The following FBLIM1 variants were observed in gnomAD, a reference collection of about 807,000 sequenced individuals.
FBLIM1 encodes filamin-binding LIM protein 1.
FBLIM1 carries 29 observed loss-of-function variants against 37.4 expected under a neutral mutation model. That is an observed-to-expected ratio of 0.77 (90% CI 0.58 to 1.06). FBLIM1 has a LOEUF of 1.06. Ranked by LOEUF, FBLIM1 falls within the 50% of genes least tolerant of loss-of-function variation. The pLI, the probability that FBLIM1 is intolerant of heterozygous loss-of-function variation, is 0.00. For missense variants in FBLIM1, 449 were observed against 505.6 expected, an observed-to-expected ratio of 0.89 and a Z score of 1.07; for synonymous variants, 193 against 199.0, an observed-to-expected ratio of 0.97 and a Z score of 0.25.
At chr1:15,781,656 G>A (rs2069642341) in intron 8 of FBLIM1, among the ~76,000 whole-genome samples, 1 of 151,508 alleles carries the variant, frequency 6.6e-6, no homozygotes, top group South Asian at 2.1e-4. Flanking sequence ...CTTGCTTTGG[G>A]GTCCATATTA....
chr1:15,775,597 G>C (rs2069461395), intron 7 of FBLIM1, among the ~76,000 whole-genome samples: 1 of 151,814 alleles, frequency 6.6e-6, no homozygotes, highest in Non-Finnish European at 1.5e-5. Flanking sequence ...GAGATGCCTA[G>C]GATGAGGTCT....
At chr1:15,770,338 T>A in intron 5 of FBLIM1, 71 bp from the exon 6 acceptor site, 1 of 1,521,632 alleles carries the variant, frequency 6.6e-7, no homozygotes, top group Non-Finnish European at 8.9e-7. Context: ...ATCCTGAGCA[T>A]GTTCTGGGTG....
intron 1 of FBLIM1, among the ~76,000 whole-genome samples, chr1:15,760,027 C>A (rs1381774780): frequency 3.3e-5 from 5 of 151,890 alleles, no homozygotes; most frequent in African/African-American, 1.2e-4. Context: ...AGTTGGAGAC[C>A]AGCCTGGCCA....
Position 15,774,598 on chromosome 1 carries a change from G to A in FBLIM1, c.712-20G>A. 6.2e-7 allele frequency: 1 copy of A among 1,601,136 alleles called. No individual in the cohort carries two copies. The highest frequency in any genetic ancestry group is 8.5e-7 in the Non-Finnish European group (1 of 1,172,610). On this transcript the variant is annotated intron_variant, in intron 6 of 8. Transcript: ENST00000375766. ...GGGTGGGTGTGTCGTGGATGGTTCTGGCAGTGGCCTCTGTCCTAGGACACA... is the reference window on the plus strand; with the variant it reads ...GGGTGGGTGTGTCGTGGATGGTTCTAGCAGTGGCCTCTGTCCTAGGACACA...
In FBLIM1 at chr1:15,784,670, G is replaced by T. The variant is rs372175733; in HGVS notation, c.*9G>T. On this transcript the variant is annotated 3_prime_UTR_variant, in exon 9 of 9. Transcript: ENST00000375766. ...CTGCGGGGTGCTGCTGAGAGTGCCC[G>T]CTGGGCAGTGAACAGACCACTAGCC... The T allele has an allele frequency of 6.2e-7, 1 of 1,611,952 alleles. No homozygotes were observed. The highest frequency in any genetic ancestry group is 1.3e-5 in the African/African-American group (1 of 74,890).
In FBLIM1 at chr1:15,779,494, G is replaced by C. The variant is rs1287828059; in HGVS notation, c.1008+2207G>C. Among the ~76,000 whole-genome samples the C allele has an allele frequency of 2.1e-5, 3 of 145,282 alleles. No homozygotes were observed. The East Asian group carries it at 6.4e-4, about 31-fold the overall frequency. ...TAATTTTTGTATTTAGTAGAGATGAGATTTCACCACGTTGGCCAGGCTGGT... is the reference window on the plus strand; with the variant it reads ...TAATTTTTGTATTTAGTAGAGATGACATTTCACCACGTTGGCCAGGCTGGT... On this transcript the variant is annotated intron_variant, in intron 8 of 8. Coordinates refer to ENST00000375766, the MANE Select transcript of FBLIM1 (RefSeq NM_017556.4).
intron 7 of FBLIM1, among the ~76,000 whole-genome samples, chr1:15,775,806 G>A (rs1451384381): frequency 1.3e-5 from 2 of 152,128 alleles, no homozygotes; most frequent in Non-Finnish European, 2.9e-5. Context: ...CTAATAAACT[G>A]AGAGGGAAAC....
At chr1:15,758,305 G>T, upstream of FBLIM1, 1 of 152,322 alleles carries the variant, frequency 6.6e-6, no homozygotes, top group Non-Finnish European at 1.5e-5. This position sits in a 1 kb window ranked among gnomAD's most constrained non-coding sequence, Gnocchi z 6.2. Context: ...TTTGACGCAA[G>T]ACCCTGGCGG....
upstream of FBLIM1, among the ~76,000 whole-genome samples, chr1:15,757,206 A>G (rs754772232): frequency 6.6e-6 from 1 of 152,152 alleles, no homozygotes; most frequent in African/African-American, 2.4e-5. The surrounding 1 kb of genome is among the most constrained non-coding windows in gnomAD (Gnocchi z 4.1). Flanking sequence ...CAGCACCTCC[A>G]AGCCCCAGCT....
rs2069521714 is a variant in FBLIM1 at position 15,777,288 on chromosome 1, G to T, written c.1008+1G>T. 1.2e-6 allele frequency: 2 copies of T among 1,607,826 alleles called. No homozygotes were observed. The highest frequency in any genetic ancestry group is 8.5e-7 in the Non-Finnish European group (1 of 1,174,728). Reference sequence around the variant, plus strand: ...CCATGAAAATTGCTACAGGTGTGAGGTGAGTGGAGCCTAGGTGGTTTAATA... The same window carrying T: ...CCATGAAAATTGCTACAGGTGTGAGTTGAGTGGAGCCTAGGTGGTTTAATA... On this transcript the variant is annotated splice_donor_variant, in intron 8 of 8. Coordinates refer to ENST00000375766, the MANE Select transcript of FBLIM1 (RefSeq NM_017556.4). LOFTEE classifies it high-confidence loss of function.
intron 6 of FBLIM1, among the ~76,000 whole-genome samples, chr1:15,774,004 G>T (rs181284911): frequency 6.6e-6 from 1 of 151,862 alleles, no homozygotes; most frequent in African/African-American, 2.4e-5. Flanking sequence ...GCGTGGTGGC[G>T]CACACCTGTA....
At chr1:15,771,086 C>T (rs988035269) in intron 6 of FBLIM1, among the ~76,000 whole-genome samples, 4 of 151,890 alleles carry the variant, frequency 2.6e-5, no homozygotes, top group Admixed American at 2.6e-4. Flanking sequence ...ATTACAGGCA[C>T]CTGACACCAC....
chr1:15,763,891 G>A (rs1035452416), intron 1 of FBLIM1, among the ~76,000 whole-genome samples: 4 of 152,014 alleles, frequency 2.6e-5, no homozygotes, highest in Non-Finnish European at 1.5e-5. Flanking sequence ...CACCTGCCTC[G>A]GCCTCCCAAA....
intron 6 of FBLIM1, among the ~76,000 whole-genome samples, chr1:15,771,157 C>A (rs2069185165): frequency 6.6e-6 from 1 of 151,716 alleles, no homozygotes; most frequent in Admixed American, 6.6e-5. Flanking sequence ...CCAGGCTGGT[C>A]TTGAACTCCT....
chr1:15,772,178 A>G (rs1001101800), intron 6 of FBLIM1, among the ~76,000 whole-genome samples: 1 of 152,200 alleles, frequency 6.6e-6, no homozygotes, highest in African/African-American at 2.4e-5. Context: ...TCATGCATAT[A>G]GAAGTTTGAA....
chr1:15,758,117 A>G (rs1401129990), upstream of FBLIM1: 11 of 152,280 alleles, frequency 7.2e-5, no homozygotes. The surrounding 1 kb of genome is among the most constrained non-coding windows in gnomAD (Gnocchi z 6.2). Context: ...CCAACCCAGC[A>G]TATATTAACC....
chr1:15,783,560 A>C (rs2069696904), intron 8 of FBLIM1, among the ~76,000 whole-genome samples: 2 of 147,454 alleles, frequency 1.4e-5, no homozygotes, highest in African/African-American at 5.0e-5. Flanking sequence ...GTCTCGTAGA[A>C]CTTACGTTCT....
intron 8 of FBLIM1, 90 bp downstream of exon 8, chr1:15,777,377 G>C: frequency 1.2e-6 from 1 of 847,532 alleles, no homozygotes; most frequent in South Asian, 1.6e-5. Context: ...AGGTCAGGGT[G>C]GGGGCTGTAC....
intron 8 of FBLIM1, among the ~76,000 whole-genome samples, chr1:15,778,319 C>A (rs1349556051): frequency 2.0e-5 from 3 of 152,116 alleles, no homozygotes; most frequent in African/African-American, 7.2e-5. Context: ...AATCCCAGCA[C>A]TTTGGGAAGC....
Sources: allele counts gnomAD v4.1 joint callset (sites outside exome capture counted in the v4.1 genomes callset), GRCh38; gene constraint gnomAD v4.1.1; non-coding constraint Gnocchi (gnomAD v3.1); transcripts MANE v1.5; gene names NCBI Gene and HGNC (gene_info 2026-07-23, HGNC 2026-07-21).